Variants in NFIA observed in about 807,000 individuals in gnomAD.
NFIA encodes the protein nuclear factor 1 A-type.
A neutral mutation model predicts 62.8 loss-of-function variants in NFIA; 8 were observed. The ratio of observed to expected loss-of-function variants is 0.13; its 90% CI spans 0.07 to 0.23. The LOEUF (loss-of-function observed/expected upper bound fraction) is 0.23. NFIA is among the 10% of genes least tolerant of loss of function. The probability of loss-of-function intolerance (pLI) is 1.00; values close to 1 mark genes in which losing one functional copy is unlikely to be tolerated. For missense variants in NFIA, 410 were observed against 642.1 expected (o/e 0.64, Z 3.91); for synonymous variants, 235 against 238.1 (o/e 0.99, Z 0.12).
chr1:61,190,151 AGGT>A (rs1254412039), intron 2 of NFIA, among the ~76,000 whole-genome samples: 10 of 152,112 alleles, frequency 6.6e-5, no homozygotes, highest in Admixed American at 6.6e-4. Flanking sequence ...CTCTTTAGAG[AGGT>A]GGTACTATTT....
chr1:61,350,752 G>A (rs565054949), intron 4 of NFIA, among the ~76,000 whole-genome samples: 1 of 152,302 alleles, frequency 6.6e-6, no homozygotes, highest in East Asian at 1.9e-4. Flanking sequence ...CAGAAATCCA[G>A]TAAACATTTT....
At chr1:61,174,572 A>G (rs1380396763) in intron 2 of NFIA, among the ~76,000 whole-genome samples, 1 of 152,214 alleles carries the variant, frequency 6.6e-6, no homozygotes, top group African/African-American at 2.4e-5. Context: ...AAGTAAGTAA[A>G]TAAAGCTGCT....
intron 10 of NFIA, among the ~76,000 whole-genome samples, chr1:61,446,193 A>G (rs2100581708): frequency 6.6e-6 from 1 of 152,266 alleles, no homozygotes. Context: ...AGGCCACCAG[A>G]CCCGCAGTCC....
chr1:61,457,402 G>T lies in NFIA; in HGVS notation c.*2082G>T, dbSNP rs189176910. On this transcript the variant is annotated 3_prime_UTR_variant, in exon 11 of 11. Coordinates refer to ENST00000403491, the MANE Select transcript of NFIA (RefSeq NM_001134673.4). This position sits in a 1 kb window ranked among gnomAD's most constrained non-coding sequence, Gnocchi z 4.2. Reference sequence around the variant, plus strand: ...CAGCCATCGTCAGTTTCAACATCTAGAACTAAATAGAAAGCTAGTTGTTCC... The same window carrying T: ...CAGCCATCGTCAGTTTCAACATCTATAACTAAATAGAAAGCTAGTTGTTCC... 3 of 152,240 alleles carry T rather than the reference G, an allele frequency of 2.0e-5. No homozygotes were observed. The East Asian group carries it at 5.8e-4, about 29-fold the overall frequency. The allele number at this position is 152,240 out of a possible 1,614,324, so 9.4% of individuals were successfully genotyped here. A position where few individuals can be genotyped will look rare whatever the true frequency, so the allele number is the denominator to read the frequency against.
At chr1:61,327,548 T>C (rs574334841) in intron 3 of NFIA, among the ~76,000 whole-genome samples, 1 of 152,202 alleles carries the variant, frequency 6.6e-6, no homozygotes, top group Non-Finnish European at 1.5e-5. Flanking sequence ...TCACTTAGAA[T>C]AATGGCCTCT....
At chr1:61,078,155 G>A (rs192846822), upstream of NFIA, among the ~76,000 whole-genome samples, 1 of 152,148 alleles carries the variant, frequency 6.6e-6, no homozygotes, top group Non-Finnish European at 1.5e-5. Context: ...GGGCAGAGGA[G>A]ATCTGAAGTT....
At chr1:61,338,803 T>A (rs917618940) in intron 4 of NFIA, among the ~76,000 whole-genome samples, 3 of 152,232 alleles carry the variant, frequency 2.0e-5, no homozygotes, top group Non-Finnish European at 2.9e-5. Context: ...GTACTTTAGA[T>A]CTTAATTAAA....
intron 2 of NFIA, among the ~76,000 whole-genome samples, chr1:61,146,751 C>T (rs189600014): frequency 7.6e-4 from 116 of 152,300 alleles, no homozygotes; most frequent in African/African-American, 2.6e-3. Flanking sequence ...GTGCTTTCTC[C>T]AGAAAGGGAC....
chr1:61,114,810 C>T (rs1646768974), intron 2 of NFIA, among the ~76,000 whole-genome samples: 1 of 152,082 alleles, frequency 6.6e-6, no homozygotes, highest in Admixed American at 6.6e-5. Flanking sequence ...TGAGTGCCTT[C>T]AAGACACTAG....
At chr1:61,206,597 C>T (rs1053176659) in intron 2 of NFIA, among the ~76,000 whole-genome samples, 1 of 152,124 alleles carries the variant, frequency 6.6e-6, no homozygotes, top group African/African-American at 2.4e-5. Flanking sequence ...TCAGTGCGAC[C>T]TCAGACACAT....
intron 2 of NFIA, among the ~76,000 whole-genome samples, chr1:61,188,200 C>G (rs1464591424): frequency 6.6e-6 from 1 of 151,988 alleles, no homozygotes; most frequent in Non-Finnish European, 1.5e-5. Flanking sequence ...GTGCGCGCCC[C>G]CACGCCAGCT....
chr1:61,196,189 A>G lies in NFIA; in HGVS notation c.560-81331A>G, dbSNP rs372870437. ...TAATGGTATCTTCTGAGAAAATTAT[A>G]GCTTTAGTGTGCTACTGAAAACCTC... On this transcript the variant is annotated intron_variant, in intron 2 of 10. Transcript: ENST00000403491. Among the ~76,000 whole-genome samples, 41 of 152,338 alleles carry G rather than the reference A, an allele frequency of 2.7e-4. 1 individual carries two copies. Among genetic ancestry groups the G allele is most frequent in the African/African-American group, 9.6e-4 (40 of 41,592 alleles).
chr1:61,245,865 A>C (rs1268896038), intron 2 of NFIA, among the ~76,000 whole-genome samples: 1 of 152,222 alleles, frequency 6.6e-6, no homozygotes, highest in Non-Finnish European at 1.5e-5. Flanking sequence ...TCACGGCAAG[A>C]GTCCAAGACA....
At chr1:61,410,141 G>A (rs1000980612) in intron 9 of NFIA, among the ~76,000 whole-genome samples, 7 of 152,058 alleles carry the variant, frequency 4.6e-5, no homozygotes, top group Admixed American at 1.3e-4. Context: ...GGATGACACC[G>A]GGATAAAGGT....
At chr1:61,389,540 A>T (rs17356776) in intron 7 of NFIA, among the ~76,000 whole-genome samples, 5,470 of 152,126 alleles carry the variant, frequency 0.036, 162 homozygotes, top group Middle Eastern at 0.058. Flanking sequence ...TGAGCTAGCC[A>T]GAACCAAGAC....
intron 10 of NFIA, among the ~76,000 whole-genome samples, chr1:61,440,895 G>C (rs1437270860): frequency 6.6e-6 from 1 of 152,070 alleles, no homozygotes; most frequent in Non-Finnish European, 1.5e-5. Context: ...TTTCCTTAAA[G>C]CTGGTAATTT....
At chr1:61,420,772 G>A (rs1369958876) in intron 9 of NFIA, among the ~76,000 whole-genome samples, 1 of 152,168 alleles carries the variant, frequency 6.6e-6, no homozygotes, top group African/African-American at 2.4e-5. Flanking sequence ...AGAAGGGAAA[G>A]GTTTAGAGTG....
At chr1:61,441,658 C>T (rs1667589548) in intron 10 of NFIA, among the ~76,000 whole-genome samples, 1 of 152,100 alleles carries the variant, frequency 6.6e-6, no homozygotes, top group African/African-American at 2.4e-5. Context: ...CCTTTCTAGA[C>T]AAATATTATG....
At chr1:61,234,381 A>AG (rs1342350940) in intron 2 of NFIA, among the ~76,000 whole-genome samples, 1 of 151,474 alleles carries the variant, frequency 6.6e-6, no homozygotes, top group Non-Finnish European at 1.5e-5. Context: ...AAAAAAAAAA[A>AG]AAAAAAAAGT....
Sources: gnomAD v4.1 joint callset for allele counts (sites outside exome capture counted in the v4.1 genomes callset) on GRCh38, gnomAD v4.1.1 for gene constraint, Gnocchi (gnomAD v3.1) non-coding constraint, MANE v1.5 for transcripts, NCBI Gene and HGNC (gene_info 2026-07-23, HGNC 2026-07-21) for gene names.